The following GIT2 variants were observed in gnomAD, a reference collection of about 807,000 sequenced individuals.
The protein encoded by GIT2 is ARF GTPase-activating protein GIT2.
In GIT2, 32 loss-of-function variants were observed where a neutral mutation model predicts 100.3. The ratio of observed to expected loss-of-function variants is 0.32; its 90% CI spans 0.24 to 0.43. GIT2 has a LOEUF of 0.43. Ranked by LOEUF, GIT2 falls within the 20% of genes least tolerant of loss-of-function variation. The probability of loss-of-function intolerance (pLI) is 1.00; values close to 1 mark genes in which losing one functional copy is unlikely to be tolerated. For missense variants in GIT2, 737 were observed against 975.1 expected (o/e 0.76, Z 3.25); for synonymous variants, 353 against 364.1 (o/e 0.97, Z 0.35).
intron 6 of GIT2, chr12:109,981,539 G>A (rs968708702): frequency 2.5e-5 from 4 of 157,034 alleles, no homozygotes; most frequent in African/African-American, 9.6e-5. Context: ...CTGGATAAGA[G>A]TCTAGTAACC....
chr12:109,965,840 C>T, intron 8 of GIT2: 4 of 597,190 alleles, frequency 6.7e-6, no homozygotes, highest in Non-Finnish European at 1.3e-5. Flanking sequence ...AAAGCTATTG[C>T]CAGGTTACCT....
intron 16 of GIT2, among the ~76,000 whole-genome samples, chr12:109,942,231 G>A (rs1056210937): frequency 2.6e-5 from 4 of 152,060 alleles, no homozygotes; most frequent in African/African-American, 9.7e-5. Flanking sequence ...TTGCATTTAC[G>A]TAATTATACT....
chr12:109,947,078 T>C lies in GIT2; in HGVS notation c.1641+178A>G, dbSNP rs1876549937. On this transcript the variant is annotated intron_variant, in intron 15 of 19. Transcript: ENST00000355312. The surrounding 1 kb of genome is among the most constrained non-coding windows in gnomAD (Gnocchi z 4.3). ...TTAGGAAACCATCAGCCCATGGCCC[T>C]GTGTGCTTGTGGGAATATCGCAAGC... Among the ~76,000 whole-genome samples, 1 of 152,166 alleles carries C rather than the reference T, an allele frequency of 6.6e-6. No individual in the cohort carries two copies. Among genetic ancestry groups the C allele is most frequent in the Non-Finnish European group, 1.5e-5 (1 of 68,022 alleles).
upstream of GIT2, chr12:109,999,411 T>G (rs1475541330): frequency 1.1e-5 from 2 of 183,416 alleles, no homozygotes; most frequent in Admixed American, 1.2e-4. This position sits in a 1 kb window ranked among gnomAD's most constrained non-coding sequence, Gnocchi z 4.3. Context: ...ACTTCCCTGT[T>G]TGGGGCAGTT....
intron 12 of GIT2, among the ~76,000 whole-genome samples, chr12:109,959,080 T>C (rs55982081): frequency 0.026 from 4,021 of 152,066 alleles, 124 homozygotes; most frequent in African/African-American, 0.069. Context: ...GTTTTTTTTT[T>C]TTTTTGAAAC....
rs961074380 is a variant in GIT2 at position 109,964,148 on chromosome 12, TGTGA to T, written c.816+1374_816+1377del. 7.2e-5 allele frequency among the ~76,000 whole-genome samples: 11 copies of T among 152,338 alleles called. No homozygotes were observed. In the South Asian group the frequency reaches 8.3e-4, roughly 11 times the overall value. On this transcript the variant is annotated intron_variant, in intron 9 of 19. Coordinates refer to ENST00000355312, the MANE Select transcript of GIT2 (RefSeq NM_057169.5). The stretch of plus-strand genomic sequence containing the variant: ...TTTATAATAAAATTTACTTACAGAT[TGTGA>T]GTAATTAAAAGGAAATCACACAATA...
upstream of GIT2, among the ~76,000 whole-genome samples, chr12:109,997,239 C>T (rs1012605165): frequency 6.9e-6 from 1 of 145,142 alleles, no homozygotes; most frequent in Non-Finnish European, 1.5e-5. Flanking sequence ...ATTAGCCGGG[C>T]GTGGTGGCGC....
intron 13 of GIT2, among the ~76,000 whole-genome samples, 169 bp from the exon 14 acceptor site, chr12:109,951,485 A>G (rs1178437251): frequency 6.6e-6 from 1 of 152,226 alleles, no homozygotes; most frequent in Admixed American, 6.5e-5. Context: ...TAGGGTCACT[A>G]TACTATTTAA....
intron 3 of GIT2, among the ~76,000 whole-genome samples, chr12:109,989,284 G>C (rs1318380826): frequency 1.3e-5 from 2 of 152,176 alleles, no homozygotes. Context: ...GCTTTTTATA[G>C]TAGCCCTCTT....
At chr12:109,972,507 C>T (rs1245562302) in intron 7 of GIT2, among the ~76,000 whole-genome samples, 3 of 149,958 alleles carry the variant, frequency 2.0e-5, no homozygotes, top group Non-Finnish European at 4.4e-5. Context: ...CTCGCTCTGT[C>T]GCCCAGGCAG....
At chr12:109,956,210 G>A (rs1218994569) in intron 12 of GIT2, among the ~76,000 whole-genome samples, 1 of 152,134 alleles carries the variant, frequency 6.6e-6, no homozygotes, top group South Asian at 2.1e-4. Context: ...GATTACAGGC[G>A]TGAGCCACTG....
chr12:109,993,841 A>C (rs76808783), intron 1 of GIT2, among the ~76,000 whole-genome samples: 10,632 of 151,858 alleles, frequency 0.07, 607 homozygotes, highest in African/African-American at 0.15. Context: ...AGTGTGATGT[A>C]TTTGAAATGA....
In GIT2 at chr12:109,948,080, T is replaced by TA. The variant is rs1322481189; in HGVS notation, c.1393-577dup. The TA allele has an allele frequency of 2.2e-6, 2 of 918,378 alleles. No homozygotes were observed. Among genetic ancestry groups the TA allele is most frequent in the Non-Finnish European group, 2.6e-6 (2 of 769,138 alleles). The allele number at this position is 918,378 out of a possible 1,614,324, so 56.9% of individuals were successfully genotyped here. A position where few individuals can be genotyped will look rare whatever the true frequency, so the allele number is the denominator to read the frequency against. On this transcript the variant is annotated intron_variant, in intron 14 of 19. Transcript: ENST00000355312. The surrounding 1 kb of genome is among the most constrained non-coding windows in gnomAD (Gnocchi z 4.3). ...AGAAAAATTATGATCAACAAGTTTTTATTACATAATACTCTTGATATTCCA... is the reference window on the plus strand; with the variant it reads ...AGAAAAATTATGATCAACAAGTTTTTAATTACATAATACTCTTGATATTCCA...
At chr12:109,959,212 C>T (rs1475000653) in intron 12 of GIT2, among the ~76,000 whole-genome samples, 3 of 151,790 alleles carry the variant, frequency 2.0e-5, no homozygotes, top group African/African-American at 4.8e-5. Flanking sequence ...GGATTACAGG[C>T]GCCCGCCACC....
chr12:109,997,836 G>A (rs1286009107), upstream of GIT2: 2 of 152,180 alleles, frequency 1.3e-5, no homozygotes, highest in Admixed American at 1.3e-4. Flanking sequence ...TTACAAAATG[G>A]TGTGAGATAA....
chr12:109,981,577 A>G (rs1413352022), intron 6 of GIT2: 1 of 153,532 alleles, frequency 6.5e-6, no homozygotes. Flanking sequence ...TCAGTGAGAG[A>G]CACGCCAACC....
intron 12 of GIT2, among the ~76,000 whole-genome samples, chr12:109,954,978 TACA>T (rs749204133): frequency 1.2e-4 from 18 of 152,092 alleles, no homozygotes; most frequent in Non-Finnish European, 1.6e-4. Flanking sequence ...TAAATATAAT[TACA>T]GAATAGTCAA....
Position 109,939,243 on chromosome 12 carries a change from G to A in GIT2, c.1736C>T (p.Ser579Phe). The change falls in exon 17 of 20, where the codon TCC becomes TTC. Residue 579 changes from serine to phenylalanine, a missense_variant. Around this residue, in one of 3 missense-constraint regions of GIT2, gnomAD observed 451 missense variants for 543.7 expected, o/e 0.83. Coordinates refer to ENST00000355312, the MANE Select transcript of GIT2 (RefSeq NM_057169.5). ...TGTGCTGTTCTGCTTCTCCAGCCTG[G>A]ATGCCTACAAGAAAGAAGAGGGACC... ...WSRDESARRA[S>F]RLEKQNSTPE... 1.3e-6 allele frequency: 2 copies of A among 1,593,164 alleles called. No individual in the cohort carries two copies. The highest frequency in any genetic ancestry group is 1.7e-6 in the Non-Finnish European group (2 of 1,161,246).
At chr12:109,976,597 T>C (rs1416373459) in intron 7 of GIT2, among the ~76,000 whole-genome samples, 1 of 149,368 alleles carries the variant, frequency 6.7e-6, no homozygotes, top group African/African-American at 2.5e-5. Context: ...TCTTTTCTTT[T>C]TTTTTTTTTT....
Sources: allele counts gnomAD v4.1 joint callset (sites outside exome capture counted in the v4.1 genomes callset), GRCh38; gene constraint gnomAD v4.1.1; regional missense constraint gnomAD v4.1.1; non-coding constraint Gnocchi (gnomAD v3.1); transcripts MANE v1.5; gene names NCBI Gene and HGNC (gene_info 2026-07-23, HGNC 2026-07-21).